TRIM9: variants seen among roughly 807,000 people sequenced by gnomAD.
TRIM9 encodes tripartite motif containing 9.
TRIM9 carries 26 observed loss-of-function variants against 78.3 expected under a neutral mutation model. That is an observed-to-expected ratio of 0.33 (90% CI 0.24 to 0.46). TRIM9 has a LOEUF of 0.46. Among genes scored for constraint, TRIM9 ranks in the 20% least tolerant of loss-of-function variants. TRIM9 has a pLI of 1.00. For missense variants in TRIM9, 787 were observed against 1,036.4 expected (o/e 0.76, Z 3.30); for synonymous variants, 398 against 416.5 (o/e 0.96, Z 0.54).
intron 1 of TRIM9, among the ~76,000 whole-genome samples, chr14:51,085,660 T>C (rs1211329578): frequency 2.0e-5 from 3 of 152,218 alleles, no homozygotes; most frequent in Admixed American, 2.0e-4. Context: ...AATGGACTTA[T>C]AAATGTTTAG....
chr14:51,022,832 C>T lies in TRIM9; in HGVS notation c.1041+3G>A. The T allele has an allele frequency of 6.2e-7, 1 of 1,614,120 alleles. No individual in the cohort carries two copies. The highest frequency in any genetic ancestry group is 8.5e-7 in the Non-Finnish European group (1 of 1,180,020). On this transcript the variant is annotated splice_donor_region_variant and intron_variant, in intron 3 of 12. Coordinates refer to ENST00000684578, the MANE Select transcript of TRIM9 (RefSeq NM_001387360.1). Reference sequence around the variant, plus strand: ...TCTGCTCTTCCCATGATGCAGCACTCACCTTCAGCTTGTGCTCATGCTCCT... The same window carrying T: ...TCTGCTCTTCCCATGATGCAGCACTTACCTTCAGCTTGTGCTCATGCTCCT...
At chr14:51,089,643 G>A (rs1028187809) in intron 1 of TRIM9, among the ~76,000 whole-genome samples, 2 of 152,156 alleles carry the variant, frequency 1.3e-5, no homozygotes, top group African/African-American at 4.8e-5. Context: ...GAGAAAAACA[G>A]AATACTTTTG....
chr14:51,023,076 T>A lies in TRIM9; in HGVS notation c.919-119A>T. On this transcript the variant is annotated intron_variant, in intron 2 of 12. Transcript: ENST00000684578. ...AAAGGAACTCTGTCCACAATGCACA[T>A]TTGGTAATTTTAAAAAAATAACTGG... 2.2e-6 allele frequency: 3 copies of A among 1,338,798 alleles called. No homozygotes were observed. In the South Asian group the frequency reaches 4.2e-5, roughly 19 times the overall value. 82.9% of individuals were successfully genotyped at this position (1,338,798 alleles called of 1,614,324 possible). A position where few individuals can be genotyped will look rare whatever the true frequency, so the allele number is the denominator to read the frequency against.
chr14:51,002,288 A>ATTT (rs71121618), intron 5 of TRIM9, among the ~76,000 whole-genome samples: 74 of 147,386 alleles, frequency 5.0e-4, no homozygotes, highest in East Asian at 2.6e-3. Flanking sequence ...CGGCTGGCTG[A>ATTT]TTTTTTTTTT....
At chr14:51,048,500 A>C (rs2060127879) in intron 1 of TRIM9, among the ~76,000 whole-genome samples, 2 of 152,200 alleles carry the variant, frequency 1.3e-5, no homozygotes, top group Non-Finnish European at 2.9e-5. Context: ...GTCCTAGTGA[A>C]AGTCATTGGT....
chr14:51,000,891 A>G, intron 5 of TRIM9, 51 bp from the exon 6 acceptor site: 2 of 1,605,324 alleles, frequency 1.2e-6, no homozygotes, highest in South Asian at 2.2e-5. Flanking sequence ...CAGATATTCC[A>G]GTATCTTAGA....
chr14:51,083,811 T>C (rs1596328626), intron 1 of TRIM9, among the ~76,000 whole-genome samples: 1 of 152,196 alleles, frequency 6.6e-6, no homozygotes, highest in Non-Finnish European at 1.5e-5. Context: ...TGTGAACTTC[T>C]GACATTTTGA....
rs2064754975 is a variant in TRIM9, at chr14:51,094,573, T to G, written c.367A>C (p.Asn123His). 1 of 1,612,016 alleles carries G rather than the reference T, an allele frequency of 6.2e-7. No individual in the cohort carries two copies. Among genetic ancestry groups the G allele is most frequent in the African/African-American group, 1.3e-5 (1 of 74,830 alleles). ...LSPALAPVPRNSCITCPQCHR... is the reference protein window; with the variant it reads ...LSPALAPVPRHSCITCPQCHR... The stretch of plus-strand genomic sequence containing the variant: ...CACTGGGGGCAGGTGATACAGGAGT[T>G]GCGGGGCACCGGGGCCAGGGCCGGT... Residue 123 changes from asparagine (N) to histidine (H), a missense_variant, in exon 1 of 13, where the codon AAC becomes CAC. Coordinates refer to ENST00000684578, the MANE Select transcript of TRIM9 (RefSeq NM_001387360.1).
rs12879906 is a variant in TRIM9 at position 50,975,912 on chromosome 14, G to A, written c.*1379C>T. The A allele has an allele frequency of 0.071, 10,900 of 152,690 alleles. 423 individuals carry two copies. Among genetic ancestry groups the A allele is most frequent in the Middle Eastern group, 0.16 (46 of 294 alleles). The allele number at this position is 152,690 out of a possible 1,614,324, so 9.5% of individuals were successfully genotyped here. A position where few individuals can be genotyped will look rare whatever the true frequency, so the allele number is the denominator to read the frequency against. ...CTATCAGTCATAGTAATGACATACA[G>A]TCCCATGTTTTTCCAAACATTGTTT... On this transcript the variant is annotated 3_prime_UTR_variant, in exon 13 of 13. Coordinates refer to ENST00000684578, the MANE Select transcript of TRIM9 (RefSeq NM_001387360.1).
chr14:51,069,955 T>C (rs554154869), intron 1 of TRIM9, among the ~76,000 whole-genome samples: 1 of 152,382 alleles, frequency 6.6e-6, no homozygotes, highest in East Asian at 1.9e-4. Context: ...AGCACTTTCA[T>C]GGTCATTCAC....
intron 7 of TRIM9, among the ~76,000 whole-genome samples, chr14:50,995,252 C>A (rs768127222): frequency 1.3e-5 from 2 of 152,106 alleles, no homozygotes; most frequent in Non-Finnish European, 1.5e-5. Flanking sequence ...TATCTTCCTG[C>A]TAATCCCTTT....
chr14:51,040,009 T>C (rs1183830240), intron 1 of TRIM9, among the ~76,000 whole-genome samples: 1 of 152,180 alleles, frequency 6.6e-6, no homozygotes, highest in East Asian at 1.9e-4. Flanking sequence ...GGTCTCGATC[T>C]CCTGACCTCC....
intron 7 of TRIM9, among the ~76,000 whole-genome samples, chr14:50,989,504 G>C (rs2053196532): frequency 6.6e-6 from 1 of 151,992 alleles, no homozygotes; most frequent in South Asian, 2.1e-4. Flanking sequence ...CTATGTTTCA[G>C]GTCACAGCTA....
At chr14:51,020,526 T>A (rs2057655945) in intron 3 of TRIM9, among the ~76,000 whole-genome samples, 1 of 152,244 alleles carries the variant, frequency 6.6e-6, no homozygotes, top group South Asian at 2.1e-4. Flanking sequence ...CAGCTGCCTC[T>A]GCTCAGTGGC....
At chr14:51,026,757 G>GT (rs1555340147) in intron 1 of TRIM9, among the ~76,000 whole-genome samples, 6 of 152,146 alleles carry the variant, frequency 3.9e-5, no homozygotes, top group African/African-American at 1.4e-4. Context: ...AAGAATATAG[G>GT]TTTGAAAGGG....
intron 1 of TRIM9, among the ~76,000 whole-genome samples, chr14:51,049,122 C>A (rs924936764): frequency 6.6e-6 from 1 of 152,158 alleles, no homozygotes; most frequent in Non-Finnish European, 1.5e-5. Flanking sequence ...CATGCAGAAG[C>A]GCAGTCCCGG....
At chr14:51,082,919 C>T (rs1195048108) in intron 1 of TRIM9, among the ~76,000 whole-genome samples, 2 of 152,140 alleles carry the variant, frequency 1.3e-5, no homozygotes, top group East Asian at 3.8e-4. Context: ...GAGTCTGGCT[C>T]TTTAAGGGGA....
At chr14:51,035,051 C>G (rs61985026) in intron 1 of TRIM9, among the ~76,000 whole-genome samples, 56,314 of 150,988 alleles carry the variant, frequency 0.37, 11,404 homozygotes, top group South Asian at 0.6. Context: ...GTGAAAAGAA[C>G]AGATTTCAAG....
At chr14:51,043,309 A>G (rs28677862) in intron 1 of TRIM9, among the ~76,000 whole-genome samples, 34,830 of 152,198 alleles carry the variant, frequency 0.23, 4,551 homozygotes, top group Non-Finnish European at 0.29. Flanking sequence ...TGAGAGCAGA[A>G]GGCAGCTGAG....
Sources: gnomAD v4.1 joint callset for allele counts (sites outside exome capture counted in the v4.1 genomes callset) on GRCh38, gnomAD v4.1.1 for gene constraint, MANE v1.5 for transcripts, NCBI Gene and HGNC (gene_info 2026-07-23, HGNC 2026-07-21) for gene names.